EYS: variants seen among roughly 807,000 people sequenced by gnomAD.
EYS encodes the protein protein eyes shut homolog.
EYS carries 250 observed loss-of-function variants against 282.1 expected under a neutral mutation model. The observed-to-expected ratio is 0.89, with a 90% CI of 0.80 to 0.98. The LOEUF (loss-of-function observed/expected upper bound fraction) is 0.98, where lower values mean the gene tolerates loss of function less well. Ranked by LOEUF, EYS falls within the 50% of genes least tolerant of loss-of-function variation. The probability of loss-of-function intolerance (pLI) is 0.00; values close to 1 mark genes in which losing one functional copy is unlikely to be tolerated. For synonymous variants in EYS, 1,355 were observed against 1,282.9 expected, an observed-to-expected ratio of 1.06 and a Z score of -1.20; for missense variants, 4,016 against 3,709.0, an observed-to-expected ratio of 1.08 and a Z score of -2.15.
At chr6:64,778,175 G>C (rs757247112) in intron 22 of EYS, among the ~76,000 whole-genome samples, 1 of 152,098 alleles carries the variant, frequency 6.6e-6, no homozygotes, top group African/African-American at 2.4e-5. Context: ...GATTGGTGAA[G>C]AATTTTTCTT....
chr6:63,845,285 G>A (rs909359827), intron 36 of EYS, among the ~76,000 whole-genome samples: 1 of 152,146 alleles, frequency 6.6e-6, no homozygotes, highest in African/African-American at 2.4e-5. Context: ...CCATGTAGCT[G>A]GTTATTTCAC....
chr6:64,588,215 G>A (rs1318704902), intron 26 of EYS, among the ~76,000 whole-genome samples: 1 of 152,034 alleles, frequency 6.6e-6, no homozygotes, highest in Non-Finnish European at 1.5e-5. Context: ...GAAGAATTAA[G>A]AGCCTAGGTG....
In EYS at chr6:64,295,490, G is replaced by GAAGAAGAAGAAGAAGA; in HGVS notation, c.6191+11479_6191+11480insTCTTCTTCTTCTTCTT. 2.8e-4 allele frequency among the ~76,000 whole-genome samples: 8 copies of GAAGAAGAAGAAGAAGA among 28,172 alleles called. No individual in the cohort carries two copies. In the East Asian group the frequency reaches 3.4e-3, roughly 12 times the overall value. 18.5% of individuals were successfully genotyped at this position (28,172 alleles called of 152,430 possible). ...AGAAGAAGAAGAAGAAGAAGAAGAA[G>GAAGAAGAAGAAGAAGA]AAGAAGAAAGAAGAAAGAAGAAAGA... On this transcript the variant is annotated intron_variant, in intron 30 of 42. Coordinates refer to ENST00000503581, the MANE Select transcript of EYS (RefSeq NM_001142800.2).
intron 2 of EYS, among the ~76,000 whole-genome samples, chr6:65,552,504 T>A (rs920624096): frequency 6.6e-6 from 1 of 152,194 alleles, no homozygotes; most frequent in Non-Finnish European, 1.5e-5. Flanking sequence ...GCAATTTTTT[T>A]TTCAAATATT....
intron 12 of EYS, among the ~76,000 whole-genome samples, chr6:65,201,045 T>A (rs1765887765): frequency 6.6e-6 from 1 of 152,148 alleles, no homozygotes; most frequent in Non-Finnish European, 1.5e-5. Flanking sequence ...ATAGATGTAT[T>A]ATGGATGATA....
chr6:65,430,254 G>A (rs1489550992), intron 5 of EYS, among the ~76,000 whole-genome samples: 1 of 152,120 alleles, frequency 6.6e-6, no homozygotes, highest in African/African-American at 2.4e-5. Context: ...ACTGAAAGAA[G>A]CACTGAACTC....
At chr6:64,035,148 A>G (rs973322598) in intron 33 of EYS, among the ~76,000 whole-genome samples, 6 of 152,210 alleles carry the variant, frequency 3.9e-5, no homozygotes, top group African/African-American at 7.2e-5. Flanking sequence ...CTTAGTGTCA[A>G]TAGTGTCCAG....
chr6:65,384,131 A>G (rs982349256), intron 8 of EYS, among the ~76,000 whole-genome samples: 2 of 151,886 alleles, frequency 1.3e-5, no homozygotes, highest in African/African-American at 2.4e-5. Flanking sequence ...ACTAAGAAGT[A>G]TATCACCAGG....
At chr6:65,669,874 T>G (rs1768331033) in intron 1 of EYS, among the ~76,000 whole-genome samples, 1 of 152,016 alleles carries the variant, frequency 6.6e-6, no homozygotes, top group South Asian at 2.1e-4. Flanking sequence ...TCTCCATCTC[T>G]TAGTTTTTTC....
intron 22 of EYS, among the ~76,000 whole-genome samples, chr6:64,643,423 T>C (rs1037841776): frequency 6.6e-6 from 1 of 152,196 alleles, no homozygotes; most frequent in Non-Finnish European, 1.5e-5. Context: ...CAAAGTGGTA[T>C]GTATGGTCAT....
chr6:65,095,787 G>A (rs889858182), intron 12 of EYS, among the ~76,000 whole-genome samples: 5 of 150,944 alleles, frequency 3.3e-5, no homozygotes, highest in African/African-American at 9.7e-5. Context: ...ATGCATAGAC[G>A]GAATTTAAGT....
At chr6:65,177,724 T>C (rs1765261653) in intron 12 of EYS, among the ~76,000 whole-genome samples, 1 of 151,836 alleles carries the variant, frequency 6.6e-6, no homozygotes, top group Non-Finnish European at 1.5e-5. Flanking sequence ...TGTTGGCAAA[T>C]TTTATACATA....
At chr6:63,992,950 T>C (rs769644305) in intron 34 of EYS, among the ~76,000 whole-genome samples, 8 of 151,818 alleles carry the variant, frequency 5.3e-5, no homozygotes, top group Non-Finnish European at 1.2e-4. Flanking sequence ...GCTGTTCTTG[T>C]GAAAGCGGCA....
intron 26 of EYS, among the ~76,000 whole-genome samples, chr6:64,502,869 G>T (rs1425072752): frequency 6.6e-6 from 1 of 152,128 alleles, no homozygotes; most frequent in Non-Finnish European, 1.5e-5. Flanking sequence ...AACAATGGTA[G>T]CCAGGAATAC....
Position 65,055,467 on chromosome 6 carries a change from A to G in EYS, c.2137+2147T>C, listed in dbSNP as rs546238804. ...CTACTATGGTACATTTGTCACAACA[A>G]ATGAACCAATATTGATGTTATTAAC... On this transcript the variant is annotated intron_variant, in intron 13 of 42. Transcript: ENST00000503581. 5.7e-4 allele frequency among the ~76,000 whole-genome samples: 86 copies of G among 152,202 alleles called. 1 individual carries two copies. Among genetic ancestry groups the G allele is most frequent in the African/African-American group, 2.0e-3 (84 of 41,562 alleles).
At chr6:63,872,409 T>C (rs1277244460) in intron 35 of EYS, among the ~76,000 whole-genome samples, 2 of 151,788 alleles carry the variant, frequency 1.3e-5, no homozygotes, top group Non-Finnish European at 2.9e-5. Context: ...TTCTGATTTG[T>C]TCCTTGGAGC....
chr6:63,924,095 T>C lies in EYS; in HGVS notation c.7056-59737A>G, dbSNP rs1033729514. On this transcript the variant is annotated intron_variant, in intron 35 of 42. Coordinates refer to ENST00000503581, the MANE Select transcript of EYS (RefSeq NM_001142800.2). ...AAAGCTTATGCTATTTTGAATTCAG[T>C]GATGGGAAGGAAATTTACCTCACTG... Among the ~76,000 whole-genome samples the C allele has an allele frequency of 5.9e-5, 9 of 152,156 alleles. 1 individual carries two copies. In the South Asian group the frequency reaches 1.5e-3, roughly 25 times the overall value.
At chr6:64,118,600 A>G (rs949335636) in intron 31 of EYS, among the ~76,000 whole-genome samples, 33 of 152,278 alleles carry the variant, frequency 2.2e-4, no homozygotes, top group Admixed American at 1.6e-3. Context: ...AAAATAAGTT[A>G]AACACTTCAG....
chr6:65,093,760 A>G (rs1441968834), intron 12 of EYS, among the ~76,000 whole-genome samples: 1 of 151,848 alleles, frequency 6.6e-6, no homozygotes, highest in Non-Finnish European at 1.5e-5. Context: ...TTAAAATTTT[A>G]ATTAAAAGTC....
Sources: gnomAD v4.1 joint callset for allele counts (sites outside exome capture counted in the v4.1 genomes callset) on GRCh38, gnomAD v4.1.1 for gene constraint, MANE v1.5 for transcripts, NCBI Gene and HGNC (gene_info 2026-07-23, HGNC 2026-07-21) for gene names.